Variants in TOGARAM1 observed in about 807,000 individuals in gnomAD.
The protein encoded by TOGARAM1 is TOG array regulator of axonemal microtubules protein 1.
A neutral mutation model predicts 166.6 loss-of-function variants in TOGARAM1; 100 were observed. That is an observed-to-expected ratio of 0.60 (90% CI 0.51 to 0.71). TOGARAM1 has a LOEUF of 0.71. Among genes scored for constraint, TOGARAM1 ranks in the 30% least tolerant of loss-of-function variants. The pLI is 0.00. For synonymous variants in TOGARAM1, 758 were observed against 763.8 expected, an observed-to-expected ratio of 0.99 and a Z score of 0.13; for missense variants, 2,029 against 2,102.7, an observed-to-expected ratio of 0.96 and a Z score of 0.69.
intron 14 of TOGARAM1, among the ~76,000 whole-genome samples, chr14:45,048,314 C>CAA (rs1165258521): frequency 0.016 from 678 of 42,928 alleles, 17 homozygotes; most frequent in African/African-American, 0.041. Context: ...GACTCCATCT[C>CAA]AAAAAAAAAA....
intron 16 of TOGARAM1, among the ~76,000 whole-genome samples, chr14:45,057,080 G>C (rs1004757236): frequency 1.3e-5 from 2 of 152,016 alleles, no homozygotes; most frequent in African/African-American, 2.4e-5. Flanking sequence ...CAGGATTTCT[G>C]TTTCTTCCTA....
At chr14:45,036,107 G>C (rs1281541638) in intron 11 of TOGARAM1, among the ~76,000 whole-genome samples, 1 of 115,390 alleles carries the variant, frequency 8.7e-6, no homozygotes, top group Non-Finnish European at 1.7e-5. Flanking sequence ...TGCAGCCTGA[G>C]CAACAGAACA....
In TOGARAM1 at chr14:45,074,202, G is replaced by A. The variant is rs980438301; in HGVS notation, c.*641G>A. ...AAAACATTAAACATTTTAAATGCAC[G>A]TTTAAAAAACGTGTTGAATGTAACC... is the stretch of plus-strand genomic sequence containing the variant. On this transcript the variant is annotated 3_prime_UTR_variant, in exon 20 of 20. Transcript: ENST00000361462. 2.0e-5 allele frequency: 3 copies of A among 152,592 alleles called. No homozygotes were observed. Among genetic ancestry groups the A allele is most frequent in the Admixed American group, 6.5e-5 (1 of 15,272 alleles). The allele number at this position is 152,592 out of a possible 1,614,324, so 9.5% of individuals were successfully genotyped here.
Position 44,962,680 on chromosome 14 carries a change from G to A in TOGARAM1, c.259G>A (p.Gly87Ser), listed in dbSNP as rs1369399706. 4 of 1,614,212 alleles carry A rather than the reference G, an allele frequency of 2.5e-6. No individual in the cohort carries two copies. In the South Asian group the frequency reaches 4.4e-5, roughly 18 times the overall value. Residue 87 changes from glycine to serine, a missense_variant, in exon 1 of 20, where the codon GGC becomes AGC. Around this residue, in one of 2 missense-constraint regions of TOGARAM1, gnomAD observed 1,453 missense variants for 1,432.2 expected, o/e 1.01. Transcript: ENST00000361462. The stretch of plus-strand genomic sequence containing the variant: ...CTCAAGCAGCTGGTCTGAGTCTGGA[G>A]GCGGTTTGTCAGGGGGAGATGAAGA... ...AVSSSWSESG[G>S]GLSGGDEEDT... is the part of the protein sequence containing the mutation.
intron 1 of TOGARAM1, among the ~76,000 whole-genome samples, chr14:44,977,317 C>T (rs1886253518): frequency 6.7e-6 from 1 of 149,014 alleles, no homozygotes; most frequent in South Asian, 2.1e-4. Context: ...TCACTGCAAG[C>T]TCCACCTTCC....
At chr14:44,990,560 A>G (rs967539338) in intron 1 of TOGARAM1, among the ~76,000 whole-genome samples, 1 of 152,182 alleles carries the variant, frequency 6.6e-6, no homozygotes, top group African/African-American at 2.4e-5. Context: ...TTAGTTGGTT[A>G]TTTCACACAC....
At chr14:45,005,948 A>G (rs1429681081) in intron 4 of TOGARAM1, 60 bp from the exon 5 acceptor site, 1 of 1,429,372 alleles carries the variant, frequency 7.0e-7, no homozygotes, top group South Asian at 1.5e-5. Context: ...ACTTGTGACT[A>G]TAACTCCCTC....
chr14:44,999,441 G>T lies in TOGARAM1; in HGVS notation c.2282G>T (p.Gly761Val). 6.2e-7 allele frequency: 1 copy of T among 1,612,636 alleles called. No homozygotes were observed. ...TTTTCACAAATATGTGGTAAAACTGGCAGTGTGGGTTCTGACTTACAATTC... is the reference window on the plus strand; with the variant it reads ...TTTTCACAAATATGTGGTAAAACTGTCAGTGTGGGTTCTGACTTACAATTC... ...LGFSQICGKT[G>V]SVGSDLQFLG... is the part of the protein sequence containing the mutation. The change falls in exon 3 of 20, where the codon GGC becomes GTC. Residue 761 changes from glycine to valine, a missense_variant. Physicochemically the swap from Gly to Val is moderately radical, Grantham distance 109 (BLOSUM62 -3). Transcript: ENST00000361462.
At chr14:45,000,185 G>A (rs571823524) in intron 3 of TOGARAM1, among the ~76,000 whole-genome samples, 2 of 152,124 alleles carry the variant, frequency 1.3e-5, no homozygotes, top group African/African-American at 4.8e-5. Context: ...TTTTAGTAGA[G>A]ACAGAGTTTC....
At chr14:45,052,774 C>G (rs769611499) in intron 15 of TOGARAM1, among the ~76,000 whole-genome samples, 1 of 152,148 alleles carries the variant, frequency 6.6e-6, no homozygotes. Context: ...TGCACAGAAG[C>G]TTGATGTTTG....
intron 4 of TOGARAM1, among the ~76,000 whole-genome samples, chr14:45,005,201 A>G (rs181626733): frequency 6.6e-4 from 100 of 152,308 alleles, no homozygotes; most frequent in Middle Eastern, 6.8e-3. Flanking sequence ...GGCGTGAGCT[A>G]CTGCACCTGG....
intron 17 of TOGARAM1, among the ~76,000 whole-genome samples, chr14:45,067,787 A>G (rs1032636062): frequency 2.0e-5 from 3 of 152,160 alleles, no homozygotes; most frequent in Non-Finnish European, 4.4e-5. Context: ...ATTATTAGTG[A>G]ATAGTCTCAG....
chr14:44,979,568 T>A (rs1325523132), intron 1 of TOGARAM1, among the ~76,000 whole-genome samples: 1 of 152,224 alleles, frequency 6.6e-6, no homozygotes, highest in Non-Finnish European at 1.5e-5. Context: ...TTGCAGCAGC[T>A]AACTCTTAAA....
At chr14:44,995,463 G>A (rs1379414042) in intron 1 of TOGARAM1, 1 of 477,296 alleles carries the variant, frequency 2.1e-6, no homozygotes. Flanking sequence ...TTTGTCATTT[G>A]TATTCTCTCC....
intron 7 of TOGARAM1, among the ~76,000 whole-genome samples, chr14:45,016,177 C>T (rs538986121): frequency 6.6e-6 from 1 of 152,192 alleles, no homozygotes; most frequent in African/African-American, 2.4e-5. Context: ...AGGCAGATCA[C>T]TTGAGCTCAG....
chr14:45,042,668 ATAATG>A (rs1881787379), intron 11 of TOGARAM1, among the ~76,000 whole-genome samples: 1 of 152,172 alleles, frequency 6.6e-6, no homozygotes, highest in Non-Finnish European at 1.5e-5. Context: ...TCTTTACACT[ATAATG>A]TAGTCTAATA....
At position 45,060,822 on chromosome 14, in the gene TOGARAM1, C is replaced by T. The variant is rs188327961; in HGVS notation, c.4560-5756C>T. Among the ~76,000 whole-genome samples the T allele has an allele frequency of 1.9e-3, 282 of 152,294 alleles. 2 individuals carry two copies. Among genetic ancestry groups the T allele is most frequent in the African/African-American group, 6.4e-3 (265 of 41,556 alleles). On this transcript the variant is annotated intron_variant, in intron 16 of 19. Transcript: ENST00000361462. ...ATGTTGTACCCTTCTCACTGTATTA[C>T]ATCACAAGGTACATGATGTTGTTAT...
chr14:45,015,991 G>A (rs1230764759), intron 7 of TOGARAM1, among the ~76,000 whole-genome samples: 1 of 152,020 alleles, frequency 6.6e-6, no homozygotes, highest in African/African-American at 2.4e-5. Flanking sequence ...CATGGGAATA[G>A]GAGAAAAGAG....
chr14:44,973,230 T>C (rs1461323789), intron 1 of TOGARAM1, among the ~76,000 whole-genome samples: 1 of 151,992 alleles, frequency 6.6e-6, no homozygotes, highest in Non-Finnish European at 1.5e-5. Context: ...ATATCAGTTA[T>C]GCTGCTGCTC....
Sources: gnomAD v4.1 joint callset for allele counts (sites outside exome capture counted in the v4.1 genomes callset) on GRCh38, gnomAD v4.1.1 for gene constraint, gnomAD v4.1.1 regional missense constraint, MANE v1.5 for transcripts, NCBI Gene and HGNC (gene_info 2026-07-23, HGNC 2026-07-21) for gene names.